Variants in KCTD13 observed in about 807,000 individuals in gnomAD.
The protein encoded by KCTD13 is potassium channel tetramerization domain containing 13, also known as BTB/POZ domain-containing adapter for CUL3-mediated RhoA degradation protein 1.
KCTD13 carries 15 observed loss-of-function variants against 32.3 expected under a neutral mutation model. The observed-to-expected ratio is 0.46, with a 90% CI of 0.31 to 0.71. The LOEUF (loss-of-function observed/expected upper bound fraction) is 0.71, where lower values mean the gene tolerates loss of function less well. Ranked by LOEUF, KCTD13 falls within the 30% of genes least tolerant of loss-of-function variation. The pLI is 0.05. For synonymous variants in KCTD13, 189 were observed against 200.1 expected, an observed-to-expected ratio of 0.94 and a Z score of 0.47; for missense variants, 337 against 452.6, an observed-to-expected ratio of 0.74 and a Z score of 2.32.
In KCTD13 at chr16:29,919,039, C is replaced by A. The variant is rs191193915; in HGVS notation, c.414+4151G>T. Among the ~76,000 whole-genome samples, 722 of 152,342 alleles carry A rather than the reference C, an allele frequency of 4.7e-3. 5 individuals are homozygous for A. Among genetic ancestry groups the A allele is most frequent in the African/African-American group, 0.016 (670 of 41,572 alleles). ...AAACTCCTGACCTCAAGTGATCCAC[C>A]TGCCTTGGCCTCCCAAAGTGCTGGG... On this transcript the variant is annotated intron_variant, in intron 2 of 5. Transcript: ENST00000568000.
rs376279935 is a variant in KCTD13 at position 29,911,918 on chromosome 16, C to G, written c.504+42G>C. 2.5e-6 allele frequency: 4 copies of G among 1,606,956 alleles called. No homozygotes were observed. In the African/African-American group the frequency reaches 5.4e-5, roughly 22 times the overall value. On this transcript the variant is annotated intron_variant, in intron 3 of 5. Transcript: ENST00000568000. ...GAGGGGTGAGGCTGCAGGGAGAGGC[C>G]CCCCCAGTGAGCCTCCACCCTGCAG... is the stretch of plus-strand genomic sequence containing the variant.
chr16:29,925,688 G>T, intron 1 of KCTD13, 102 bp downstream of exon 1: 1 of 1,158,346 alleles, frequency 8.6e-7, no homozygotes, highest in Non-Finnish European at 1.2e-6. Flanking sequence ...CTGGACAGTA[G>T]CGGGCAGAGA....
At position 29,906,793 on chromosome 16, in the gene KCTD13, G is replaced by T; in HGVS notation, c.*79C>A. ...CCCACGACTTGGCCAGCAGAGCCGG[G>T]GCAAAAGTCTGGGAAGGGGAGGGAA... On this transcript the variant is annotated 3_prime_UTR_variant, in exon 6 of 6. Transcript: ENST00000568000. The T allele has an allele frequency of 7.6e-7, 1 of 1,309,026 alleles. No individual in the cohort carries two copies. The highest frequency in any genetic ancestry group is 1.1e-6 in the Non-Finnish European group (1 of 927,608). 81.1% of individuals were successfully genotyped at this position (1,309,026 alleles called of 1,614,324 possible). A position where few individuals can be genotyped will look rare whatever the true frequency, so the allele number is the denominator to read the frequency against.
chr16:29,922,927 G>A (rs1458630552), intron 2 of KCTD13: 4 of 475,312 alleles, frequency 8.4e-6, no homozygotes, highest in Non-Finnish European at 1.5e-5. Context: ...AGGTGCGAGT[G>A]TAACAGCTGG....
intron 5 of KCTD13, among the ~76,000 whole-genome samples, chr16:29,908,062 C>G (rs1018860805): frequency 6.6e-6 from 1 of 150,818 alleles, no homozygotes; most frequent in Admixed American, 6.6e-5. Flanking sequence ...ATAGCCAGAG[C>G]CAGGAGTGTT....
Position 29,925,872 on chromosome 16 carries a change from G to A in KCTD13, c.162C>T (p.Thr54=), listed in dbSNP as rs746935635. 7.7e-5 allele frequency: 125 copies of A among 1,614,000 alleles called. No homozygotes were observed. The highest frequency in any genetic ancestry group is 1.0e-4 in the Non-Finnish European group (122 of 1,179,990). The stretch of plus-strand genomic sequence containing the variant: ...CCTGTCCCGTGAGGGTGCGCAGCGT[G>A]GTGTAGTGCAACGAGCCGCCCACGT... ...KLNVGGSLHY[T]TLRTLTGQDT... The change falls in exon 1 of 6, where the codon ACC becomes ACT. Residue 54 remains threonine (T), a synonymous_variant. Coordinates refer to ENST00000568000, the MANE Select transcript of KCTD13 (RefSeq NM_178863.5).
chr16:29,919,011 C>T (rs541651679), intron 2 of KCTD13, among the ~76,000 whole-genome samples: 1 of 152,326 alleles, frequency 6.6e-6, no homozygotes, highest in Admixed American at 6.5e-5. Flanking sequence ...CCAGGCTGGT[C>T]TCAAACTCCT....
At position 29,926,071 on chromosome 16, in the gene KCTD13, T is replaced by C; in HGVS notation, c.-38A>G. On this transcript the variant is annotated 5_prime_UTR_variant, in exon 1 of 6. Coordinates refer to ENST00000568000, the MANE Select transcript of KCTD13 (RefSeq NM_178863.5). ...CGGCGGACGGCGATCCCAGGATCTCTCCGCGCCCTGCGGCCTGCTCCCGAA... is the reference window on the plus strand; with the variant it reads ...CGGCGGACGGCGATCCCAGGATCTCCCCGCGCCCTGCGGCCTGCTCCCGAA... 2 of 1,456,078 alleles carry C rather than the reference T, an allele frequency of 1.4e-6. No homozygotes were observed. Among genetic ancestry groups the C allele is most frequent in the East Asian group, 5.1e-5 (2 of 39,324 alleles). The allele number at this position is 1,456,078 out of a possible 1,614,324, so 90.2% of individuals were successfully genotyped here.
At chr16:29,911,927 G>A in intron 3 of KCTD13, 33 bp downstream of exon 3, 1 of 1,608,978 alleles carries the variant, frequency 6.2e-7, no homozygotes, top group South Asian at 1.1e-5. Flanking sequence ...CCCCCCCAGT[G>A]AGCCTCCACC....
At position 29,912,451 on chromosome 16, in the gene KCTD13, T is replaced by C. The variant is rs2068731221; in HGVS notation, c.415-402A>G. On this transcript the variant is annotated intron_variant, in intron 2 of 5. Coordinates refer to ENST00000568000, the MANE Select transcript of KCTD13 (RefSeq NM_178863.5). The stretch of plus-strand genomic sequence containing the variant: ...CCTTTTGTGTTATCAGTTTTCTTTT[T>C]CTTTTTTTGAGACAGAGTTTCGCTT... 4.6e-5 allele frequency: 11 copies of C among 237,930 alleles called. 1 individual carries two copies. In the South Asian group the frequency reaches 6.3e-4, roughly 14 times the overall value. The allele number at this position is 237,930 out of a possible 1,614,324, so 14.7% of individuals were successfully genotyped here. A position where few individuals can be genotyped will look rare whatever the true frequency, so the allele number is the denominator to read the frequency against.
chr16:29,923,044 G>A, intron 2 of KCTD13, 146 bp downstream of exon 2: 1 of 849,128 alleles, frequency 1.2e-6, no homozygotes, highest in Non-Finnish European at 1.8e-6. Context: ...CAGGGATGCA[G>A]AAGATGGCAC....
chr16:29,910,997 G>A lies in KCTD13; in HGVS notation c.734C>T (p.Thr245Met), dbSNP rs918266476. 3.7e-6 allele frequency: 6 copies of A among 1,613,862 alleles called. No individual in the cohort carries two copies. The highest frequency in any genetic ancestry group is 2.2e-5 in the East Asian group (1 of 44,890). The change falls in exon 5 of 6, where the codon ACG becomes ATG. Residue 245 changes from threonine (T) to methionine (M), a missense_variant. Around this residue, in one of 3 missense-constraint regions of KCTD13, gnomAD observed 252 missense variants for 340.2 expected, o/e 0.74. Coordinates refer to ENST00000568000, the MANE Select transcript of KCTD13 (RefSeq NM_178863.5). ...TCTGACCTTGGTCTGCTTCTTCTCC[G>A]TAGCATAGACAATGGAGGTGCAGCA... ...EVCCTSIVYA[T>M]EKKQTKVEFP...
intron 2 of KCTD13, among the ~76,000 whole-genome samples, chr16:29,916,371 G>C (rs1258927194): frequency 6.6e-6 from 1 of 152,058 alleles, no homozygotes; most frequent in Non-Finnish European, 1.5e-5. Flanking sequence ...TTACAAGTGT[G>C]AACCACTGTG....
At position 29,906,416 on chromosome 16, in the gene KCTD13, G is replaced by A; in HGVS notation, c.*456C>T. On this transcript the variant is annotated 3_prime_UTR_variant, in exon 6 of 6. Transcript: ENST00000568000. ...TAATATGAAACAGACTGATAACGCT[G>A]AGCTGGGCAGGCCCAGGCCAGTCTA... is the stretch of plus-strand genomic sequence containing the variant. The A allele has an allele frequency of 1.8e-5, 7 of 386,498 alleles. No homozygotes were observed. Among genetic ancestry groups the A allele is most frequent in the South Asian group, 1.3e-4 (7 of 52,642 alleles). The allele number at this position is 386,498 out of a possible 1,614,324, so 23.9% of individuals were successfully genotyped here. A position where few individuals can be genotyped will look rare whatever the true frequency, so the allele number is the denominator to read the frequency against.
At chr16:29,911,681 G>A (rs573764945) in intron 4 of KCTD13, 134 bp downstream of exon 4, 2 of 882,002 alleles carry the variant, frequency 2.3e-6, no homozygotes, top group Non-Finnish European at 1.8e-6. Context: ...AGGGGTAAGA[G>A]GCGAAGCCGA....
At chr16:29,912,103 C>A (rs991944529) in intron 2 of KCTD13, 54 bp from the exon 3 acceptor site, 1 of 1,249,418 alleles carries the variant, frequency 8.0e-7, no homozygotes, top group Non-Finnish European at 1.1e-6. Flanking sequence ...ACGTACTCCC[C>A]CACTTAAAAG....
intron 1 of KCTD13, among the ~76,000 whole-genome samples, chr16:29,924,174 C>CAA (rs72170823): frequency 1.4e-5 from 2 of 143,646 alleles, no homozygotes; most frequent in African/African-American, 2.6e-5. Context: ...AACTCCATCT[C>CAA]AAAAAAAAAG....
At position 29,906,892 on chromosome 16, in the gene KCTD13, G is replaced by A. The variant is rs1306119815; in HGVS notation, c.970C>T (p.Gln324Ter). Reference protein sequence around the residue: ...ITHDERPHGQQIVFKD With the variant: ...ITHDERPHGQ ...AGAGGTCAGTCCTTGAAGACAATTT[G>A]TTGGCCATGAGGACGCTCGTCGTGG... is the stretch of plus-strand genomic sequence containing the variant. Residue 324 changes from glutamine (Q) to a stop codon, truncating the protein, a stop_gained, in exon 6 of 6, where the codon CAA becomes TAA. Coordinates refer to ENST00000568000, the MANE Select transcript of KCTD13 (RefSeq NM_178863.5). LOFTEE classifies it high-confidence loss of function. 1 of 1,614,076 alleles carries A rather than the reference G, an allele frequency of 6.2e-7. No individual in the cohort carries two copies. Among genetic ancestry groups the A allele is most frequent in the Admixed American group, 1.7e-5 (1 of 60,008 alleles).
At chr16:29,924,174 C>CAAAAA (rs72170823) in intron 1 of KCTD13, among the ~76,000 whole-genome samples, 1,608 of 143,540 alleles carry the variant, frequency 0.011, 42 homozygotes, top group African/African-American at 0.038. Context: ...AACTCCATCT[C>CAAAAA]AAAAAAAAAG....
Sources: allele counts gnomAD v4.1 joint callset (sites outside exome capture counted in the v4.1 genomes callset), GRCh38; gene constraint gnomAD v4.1.1; regional missense constraint gnomAD v4.1.1; transcripts MANE v1.5; gene names NCBI Gene and HGNC (gene_info 2026-07-23, HGNC 2026-07-21).